Variants in PRKG1 observed in about 807,000 individuals in gnomAD.
PRKG1 encodes cGMP-dependent protein kinase 1.
In PRKG1, 35 loss-of-function variants were observed where a neutral mutation model predicts 88.1. The ratio of observed to expected loss-of-function variants is 0.40; its 90% CI spans 0.30 to 0.53. The LOEUF is 0.53. PRKG1 is among the 20% of genes least tolerant of loss of function. The pLI is 0.59. For synonymous variants in PRKG1, 303 were observed against 292.5 expected (o/e 1.04, Z -0.37); for missense variants, 540 against 839.8 (o/e 0.64, Z 4.41).
At chr10:51,055,864 C>T (rs1165433119) in intron 1 of PRKG1, among the ~76,000 whole-genome samples, 1 of 152,174 alleles carries the variant, frequency 6.6e-6, no homozygotes, top group Non-Finnish European at 1.5e-5. Context: ...GTAAAAATCC[C>T]ACCATTATTC....
intron 2 of PRKG1, among the ~76,000 whole-genome samples, chr10:51,372,052 T>G (rs192222924): frequency 6.0e-4 from 91 of 152,288 alleles, no homozygotes; most frequent in Non-Finnish European, 1.1e-3. Context: ...TTCTATACGT[T>G]TGAAGTGCTA....
chr10:52,179,813 C>T (rs1838966569), intron 9 of PRKG1, among the ~76,000 whole-genome samples: 1 of 152,158 alleles, frequency 6.6e-6, no homozygotes, highest in African/African-American at 2.4e-5. Context: ...CTCAGCCTCC[C>T]AAGTAGCTGG....
At chr10:51,067,793 T>G (rs1589130941) in intron 1 of PRKG1, among the ~76,000 whole-genome samples, 1 of 152,120 alleles carries the variant, frequency 6.6e-6, no homozygotes, top group Admixed American at 6.5e-5. Context: ...GCATTGAAAC[T>G]ATATGATACT....
intron 1 of PRKG1, among the ~76,000 whole-genome samples, chr10:51,000,954 A>G (rs1475176760): frequency 1.3e-5 from 2 of 152,214 alleles, no homozygotes; most frequent in African/African-American, 4.8e-5. Context: ...GACTCCTTGC[A>G]TGCTGTTTGT....
chr10:51,165,775 A>G (rs560134941), intron 2 of PRKG1, among the ~76,000 whole-genome samples: 13 of 152,336 alleles, frequency 8.5e-5, no homozygotes, highest in African/African-American at 2.9e-4. Flanking sequence ...TGGTATGTTT[A>G]TTAAGGAAAA....
chr10:51,846,543 C>T (rs1840403570), intron 4 of PRKG1, among the ~76,000 whole-genome samples: 1 of 152,148 alleles, frequency 6.6e-6, no homozygotes, highest in Non-Finnish European at 1.5e-5. Context: ...TCAAAAGGAT[C>T]AGAGGCTTCT....
intron 5 of PRKG1, among the ~76,000 whole-genome samples, chr10:52,009,224 G>A (rs1844818591): frequency 6.6e-6 from 1 of 152,150 alleles, no homozygotes; most frequent in South Asian, 2.1e-4. Context: ...AAGAGAGGAA[G>A]TCAAATTCTT....
intron 5 of PRKG1, among the ~76,000 whole-genome samples, chr10:51,978,163 G>A (rs1843895929): frequency 6.6e-6 from 1 of 151,776 alleles, no homozygotes; most frequent in Non-Finnish European, 1.5e-5. Context: ...CTTCTGCTGT[G>A]ACTAGCTAGT....
At chr10:52,022,602 G>A (rs1845214284) in intron 5 of PRKG1, among the ~76,000 whole-genome samples, 1 of 152,092 alleles carries the variant, frequency 6.6e-6, no homozygotes, top group Admixed American at 6.6e-5. Flanking sequence ...GGAATAGGCA[G>A]AATAATATGA....
intron 2 of PRKG1, among the ~76,000 whole-genome samples, chr10:51,305,824 A>T (rs1487419032): frequency 6.6e-6 from 1 of 152,198 alleles, no homozygotes; most frequent in East Asian, 1.9e-4. Context: ...CTTGCTAAGC[A>T]CATATCTTGT....
chr10:52,154,743 A>T (rs758425247), intron 8 of PRKG1, among the ~76,000 whole-genome samples: 1 of 152,006 alleles, frequency 6.6e-6, no homozygotes, highest in Non-Finnish European at 1.5e-5. Context: ...TGCACCCATC[A>T]CCCTAATAGC....
chr10:51,998,314 G>A (rs1439481731), intron 5 of PRKG1, among the ~76,000 whole-genome samples: 2 of 151,910 alleles, frequency 1.3e-5, no homozygotes, highest in African/African-American at 2.4e-5. Context: ...GTCATTTTGG[G>A]TTCTTGATTT....
At chr10:51,525,134 C>CAG (rs370866251) in intron 3 of PRKG1, among the ~76,000 whole-genome samples, 2 of 140,300 alleles carry the variant, frequency 1.4e-5, no homozygotes, top group Non-Finnish European at 3.0e-5. Context: ...GAGACAGAGA[C>CAG]AGAGAGAGAG....
At chr10:52,256,261 A>G (rs1841305385) in intron 10 of PRKG1, among the ~76,000 whole-genome samples, 1 of 139,512 alleles carries the variant, frequency 7.2e-6, no homozygotes, top group Admixed American at 7.5e-5. Context: ...GAATAGATGT[A>G]GTAATTGTCT....
intron 2 of PRKG1, among the ~76,000 whole-genome samples, chr10:51,436,687 C>T (rs959272185): frequency 3.3e-5 from 5 of 151,898 alleles, no homozygotes; most frequent in African/African-American, 9.7e-5. Context: ...CACATATTAC[C>T]GTGAAGTCTC....
At chr10:51,411,189 T>G (rs1449677367) in intron 2 of PRKG1, among the ~76,000 whole-genome samples, 1 of 152,118 alleles carries the variant, frequency 6.6e-6, no homozygotes, top group African/African-American at 2.4e-5. Flanking sequence ...TTAGTAGAGA[T>G]GAGGTTTCAC....
chr10:51,055,462 G>T (rs1218210618), intron 1 of PRKG1, among the ~76,000 whole-genome samples: 1 of 151,944 alleles, frequency 6.6e-6, no homozygotes, highest in Non-Finnish European at 1.5e-5. Context: ...CAGTCTCTCA[G>T]TGCAGGGTCA....
intron 9 of PRKG1, chr10:52,231,146 T>G (rs1430458448): frequency 1.3e-5 from 2 of 152,210 alleles, no homozygotes; most frequent in Admixed American, 6.5e-5. Flanking sequence ...ACTTGTAATC[T>G]CAGCACTTTG....
chr10:51,230,563 T>A (rs973462179), intron 2 of PRKG1, among the ~76,000 whole-genome samples: 3 of 152,200 alleles, frequency 2.0e-5, no homozygotes, highest in East Asian at 1.9e-4. Context: ...AATTCAGTTG[T>A]CCCTTAGTAT....
Sources: gnomAD v4.1 joint callset for allele counts (sites outside exome capture counted in the v4.1 genomes callset) on GRCh38, gnomAD v4.1.1 for gene constraint, MANE v1.5 for transcripts, NCBI Gene and HGNC (gene_info 2026-07-23, HGNC 2026-07-21) for gene names.